The following DTNA variants were observed in gnomAD, a reference collection of about 807,000 sequenced individuals.
DTNA encodes dystrophin-related protein 3.
In DTNA, 43 loss-of-function variants were observed where a neutral mutation model predicts 100.7. The observed-to-expected ratio is 0.43, with a 90% CI of 0.33 to 0.55. The LOEUF (loss-of-function observed/expected upper bound fraction) is 0.55, where lower values mean the gene tolerates loss of function less well. DTNA is among the 20% of genes least tolerant of loss of function. The pLI, the probability that DTNA is intolerant of heterozygous loss-of-function variation, is 0.04. For missense variants in DTNA, 798 were observed against 953.9 expected, an observed-to-expected ratio of 0.84 and a Z score of 2.15; for synonymous variants, 349 against 347.9, an observed-to-expected ratio of 1.00 and a Z score of -0.04.
chr18:34,886,416 C>T (rs2096921830), intron 22 of DTNA, among the ~76,000 whole-genome samples: 1 of 152,154 alleles, frequency 6.6e-6, no homozygotes, highest in African/African-American at 2.4e-5. Context: ...AATATTCACT[C>T]CAGTTATAAC....
intron 17 of DTNA, among the ~76,000 whole-genome samples, chr18:34,873,095 C>T (rs1166373911): frequency 6.6e-6 from 1 of 152,176 alleles, no homozygotes; most frequent in Non-Finnish European, 1.5e-5. Context: ...CTGCAAATTG[C>T]TATTCAAATA....
intron 1 of DTNA, among the ~76,000 whole-genome samples, chr18:34,570,204 G>A (rs1393113077): frequency 6.6e-6 from 1 of 152,080 alleles, no homozygotes; most frequent in Non-Finnish European, 1.5e-5. Flanking sequence ...ACTGAGTATA[G>A]TCATTTAGGG....
At chr18:34,617,030 C>G (rs1375752913) in intron 1 of DTNA, among the ~76,000 whole-genome samples, 3 of 152,056 alleles carry the variant, frequency 2.0e-5, no homozygotes, top group Non-Finnish European at 4.4e-5. Context: ...TGGGAAGAGT[C>G]TGTGGGTTTT....
intron 1 of DTNA, among the ~76,000 whole-genome samples, chr18:34,538,602 A>G (rs2145684778): frequency 6.6e-6 from 1 of 152,146 alleles, no homozygotes; most frequent in East Asian, 1.9e-4. Flanking sequence ...TCATATGAAG[A>G]TAGCAAGAAA....
At chr18:34,582,240 C>A (rs2048721051) in intron 1 of DTNA, among the ~76,000 whole-genome samples, 2 of 152,102 alleles carry the variant, frequency 1.3e-5, no homozygotes, top group African/African-American at 4.8e-5. Flanking sequence ...AGATTGACTG[C>A]TACCCCCTAC....
In DTNA at chr18:34,824,913, C is replaced by G. The variant is rs115879580; in HGVS notation, c.1002-2680C>G. Among the ~76,000 whole-genome samples the G allele has an allele frequency of 2.7e-3, 316 of 115,610 alleles. 2 individuals are homozygous for G. The highest frequency in any genetic ancestry group is 0.01 in the African/African-American group (311 of 29,644). The allele number at this position is 115,610 out of a possible 152,430, so 75.8% of individuals were successfully genotyped here. On this transcript the variant is annotated intron_variant, in intron 9 of 22. Coordinates refer to ENST00000444659, the MANE Select transcript of DTNA (RefSeq NM_001386795.1). ...GACTATGTAACAAGTTAACATTTTA[C>G]AGGTAGCCTTAGATACAGTAAAAAA...
intron 1 of DTNA, among the ~76,000 whole-genome samples, chr18:34,702,630 C>T (rs73946145): frequency 0.013 from 2,027 of 152,220 alleles, 36 homozygotes; most frequent in African/African-American, 0.043. Flanking sequence ...GCCCCTAGTC[C>T]CTTCCCCATT....
chr18:34,715,947 A>G (rs2083962235), intron 1 of DTNA, among the ~76,000 whole-genome samples: 1 of 152,168 alleles, frequency 6.6e-6, no homozygotes, highest in Non-Finnish European at 1.5e-5. Context: ...TTAAAGGGGA[A>G]AGCAAAAGGA....
At chr18:34,698,474 A>G (rs928551659) in intron 1 of DTNA, among the ~76,000 whole-genome samples, 1 of 152,168 alleles carries the variant, frequency 6.6e-6, no homozygotes, top group Non-Finnish European at 1.5e-5. Context: ...TCCCTGCTTC[A>G]GTCTTCACAT....
intron 3 of DTNA, among the ~76,000 whole-genome samples, chr18:34,782,412 T>C (rs1020042530): frequency 6.6e-6 from 1 of 152,212 alleles, no homozygotes; most frequent in Non-Finnish European, 1.5e-5. Flanking sequence ...ATTCCAATTA[T>C]GGAATGATAT....
intron 1 of DTNA, among the ~76,000 whole-genome samples, chr18:34,582,431 A>C (rs2048736756): frequency 1.3e-5 from 2 of 152,268 alleles, no homozygotes; most frequent in South Asian, 4.1e-4. Flanking sequence ...TATTTCTTCT[A>C]ACTCATAGCT....
At chr18:34,869,436 GA>G (rs1255670751) in intron 17 of DTNA, among the ~76,000 whole-genome samples, 4 of 151,900 alleles carry the variant, frequency 2.6e-5, no homozygotes, top group African/African-American at 4.8e-5. Flanking sequence ...TTTAACAGTA[GA>G]AAAAAAGAGT....
intron 1 of DTNA, among the ~76,000 whole-genome samples, chr18:34,588,202 A>T (rs1284951426): frequency 6.6e-6 from 1 of 152,172 alleles, no homozygotes; most frequent in African/African-American, 2.4e-5. Context: ...AAGACCCACA[A>T]ACTTGGTACT....
chr18:34,858,239 G>A (rs770526224), intron 15 of DTNA, 46 bp from the exon 16 acceptor site: 4 of 1,574,968 alleles, frequency 2.5e-6, no homozygotes, highest in Middle Eastern at 1.7e-4. Flanking sequence ...TTAGTTTCCT[G>A]AAAGCTAACT....
intron 3 of DTNA, among the ~76,000 whole-genome samples, chr18:34,782,755 T>G (rs1196056073): frequency 6.6e-6 from 1 of 152,214 alleles, no homozygotes; most frequent in Non-Finnish European, 1.5e-5. Flanking sequence ...GACTACAGAC[T>G]AGTAGACTGA....
At chr18:34,534,556 A>G (rs533439439) in intron 1 of DTNA, among the ~76,000 whole-genome samples, 1 of 151,928 alleles carries the variant, frequency 6.6e-6, no homozygotes, top group African/African-American at 2.4e-5. Context: ...TACGTGTTCC[A>G]TGGTGGTTTG....
At chr18:34,662,943 T>C (rs983544920) in intron 1 of DTNA, 1 of 152,148 alleles carries the variant, frequency 6.6e-6, no homozygotes, top group African/African-American at 2.4e-5. Context: ...TTTGCCTTTT[T>C]CACTATGGGA....
upstream of DTNA, among the ~76,000 whole-genome samples, chr18:34,705,679 G>A (rs2082025769): frequency 6.6e-6 from 1 of 152,086 alleles, no homozygotes; most frequent in South Asian, 2.1e-4. Context: ...CTCAAACTCA[G>A]TAATCTCCCT....
At chr18:34,671,491 G>A (rs1234844047) in intron 1 of DTNA, among the ~76,000 whole-genome samples, 2 of 152,148 alleles carry the variant, frequency 1.3e-5, no homozygotes, top group Admixed American at 6.5e-5. Flanking sequence ...CTCACGCTGG[G>A]AGCTGTAGAC....
Sources: gnomAD v4.1 joint callset for allele counts (sites outside exome capture counted in the v4.1 genomes callset) on GRCh38, gnomAD v4.1.1 for gene constraint, MANE v1.5 for transcripts, NCBI Gene and HGNC (gene_info 2026-07-23, HGNC 2026-07-21) for gene names.